The following FGF13 variants were observed in gnomAD, a reference collection of about 807,000 sequenced individuals.
FGF13 encodes fibroblast growth factor 13, also known as fibroblast growth factor homologous factor 2.
FGF13 carries 2 observed loss-of-function variants against 19.5 expected under a neutral mutation model. That is an observed-to-expected ratio of 0.10 (90% CI 0.04 to 0.32). The LOEUF (loss-of-function observed/expected upper bound fraction) is 0.32, where lower values mean the gene tolerates loss of function less well. FGF13 is among the 10% of genes least tolerant of loss of function. FGF13 has a pLI of 1.00. For synonymous variants in FGF13, 72 were observed against 76.9 expected, an observed-to-expected ratio of 0.94 and a Z score of 0.33; for missense variants, 113 against 192.7, an observed-to-expected ratio of 0.59 and a Z score of 2.45.
rs184839168 is a variant in FGF13 at position 138,786,516 on chromosome X, C to A, written c.217+70996G>T. On this transcript the variant is annotated intron_variant, in intron 3 of 6. Transcript: ENST00000436198. ...CTTTCCAAATTTCTCTAATATAAAGCCCCTGCTTCAAGCATGCTTATTTCT... is the reference window on the plus strand; with the variant it reads ...CTTTCCAAATTTCTCTAATATAAAGACCCTGCTTCAAGCATGCTTATTTCT... Among the ~76,000 whole-genome samples the A allele has an allele frequency of 1.8e-3, 201 of 111,969 alleles. 1 individual carries two copies. Among genetic ancestry groups the A allele is most frequent in the African/African-American group, 6.2e-3 (192 of 30,855 alleles).
At chrX:139,082,879 T>C (rs2083380415) in intron 1 of FGF13, among the ~76,000 whole-genome samples, 1 of 112,121 alleles carries the variant, frequency 8.9e-6, no homozygotes, top group Non-Finnish European at 1.9e-5. Context: ...ATTTGTTTAC[T>C]GTCTGTCTCC....
chrX:139,053,869 A>T (rs759111329), intron 1 of FGF13, among the ~76,000 whole-genome samples: 9 of 111,395 alleles, frequency 8.1e-5, no homozygotes, highest in Admixed American at 6.7e-4. Context: ...GCTATCTTCT[A>T]GAATTTTTAT....
At chrX:138,782,528 CAG>C (rs1456169038) in intron 3 of FGF13, among the ~76,000 whole-genome samples, 1 of 109,142 alleles carries the variant, frequency 9.2e-6, no homozygotes, top group East Asian at 2.9e-4. Flanking sequence ...AACAGACAAA[CAG>C]AGAGCCAAAT....
chrX:138,887,012 C>T (rs1034557244), intron 1 of FGF13, among the ~76,000 whole-genome samples: 4 of 111,489 alleles, frequency 3.6e-5, no homozygotes, highest in South Asian at 7.6e-4. Context: ...CTACTTTGTT[C>T]TAGTCTGGCA....
intron 1 of FGF13, among the ~76,000 whole-genome samples, chrX:139,149,417 C>A (rs1029061931): frequency 2.7e-5 from 3 of 112,367 alleles, no homozygotes; most frequent in African/African-American, 9.7e-5. Context: ...CTAATCTTCA[C>A]ATATGCTGAA....
At chrX:138,869,701 T>C (rs1408206370) in intron 1 of FGF13, among the ~76,000 whole-genome samples, 1 of 112,562 alleles carries the variant, frequency 8.9e-6, no homozygotes, top group Non-Finnish European at 1.9e-5. Flanking sequence ...CATTTTTAGC[T>C]AATGGAAAAC....
chrX:138,826,609 T>G (rs942143359), intron 3 of FGF13, among the ~76,000 whole-genome samples: 8 of 112,255 alleles, frequency 7.1e-5, no homozygotes, highest in African/African-American at 2.3e-4. Context: ...AATCAGATCC[T>G]AAGAATGCTG....
At chrX:139,185,618 G>T (rs1242689305) in intron 1 of FGF13, among the ~76,000 whole-genome samples, 1 of 111,481 alleles carries the variant, frequency 9.0e-6, no homozygotes, top group Non-Finnish European at 1.9e-5. Flanking sequence ...GCTGGTGTGG[G>T]GTAGAGTTAG....
At chrX:138,986,103 T>C (rs2091993668) in intron 1 of FGF13, among the ~76,000 whole-genome samples, 1 of 111,966 alleles carries the variant, frequency 8.9e-6, no homozygotes, top group Admixed American at 9.5e-5. Context: ...AACTGGGGCA[T>C]AGGGAAGTTA....
At chrX:138,884,364 A>G (rs1408573305) in intron 1 of FGF13, among the ~76,000 whole-genome samples, 1 of 112,140 alleles carries the variant, frequency 8.9e-6, no homozygotes, top group Non-Finnish European at 1.9e-5. Flanking sequence ...TTCAGAGCCC[A>G]TGCAAGGGAG....
chrX:139,107,237 G>A (rs1286890467), intron 1 of FGF13, among the ~76,000 whole-genome samples: 1 of 111,825 alleles, frequency 8.9e-6, no homozygotes, highest in Non-Finnish European at 1.9e-5. Context: ...GTAAGTTAAT[G>A]CCTAAAATTA....
chrX:139,020,589 T>C (rs553330566), intron 1 of FGF13, among the ~76,000 whole-genome samples: 2 of 111,539 alleles, frequency 1.8e-5, no homozygotes, highest in East Asian at 5.7e-4. Flanking sequence ...TGGCTTAGCA[T>C]TGACGAAGAG....
chrX:138,780,198 C>A (rs1396231327), intron 3 of FGF13, among the ~76,000 whole-genome samples: 3 of 109,875 alleles, frequency 2.7e-5, no homozygotes, highest in South Asian at 8.1e-4. Context: ...TGGTACCAGC[C>A]GCCGCAAAAT....
chrX:139,029,834 G>A (rs2092219991), intron 1 of FGF13, among the ~76,000 whole-genome samples: 1 of 111,827 alleles, frequency 8.9e-6, no homozygotes, highest in Middle Eastern at 4.6e-3. Context: ...CTGACTCTAT[G>A]ATACTGCACA....
intron 1 of FGF13, among the ~76,000 whole-genome samples, chrX:139,029,226 C>G (rs1221553834): frequency 9.0e-6 from 1 of 111,659 alleles, no homozygotes; most frequent in Non-Finnish European, 1.9e-5. Flanking sequence ...TTTCAGAAAC[C>G]TGGCTCTTCC....
chrX:139,154,099 C>T (rs183093896), intron 1 of FGF13, among the ~76,000 whole-genome samples: 9 of 111,678 alleles, frequency 8.1e-5, no homozygotes, highest in African/African-American at 2.9e-4. Flanking sequence ...TGAGAAAAGA[C>T]CAAACACAAA....
chrX:138,793,099 A>G lies in FGF13; in HGVS notation c.217+64413T>C, dbSNP rs191490823. ...GAAGACAGGTAGAGACTGAAGTGCT[A>G]CAGCCACAAGCCAAGGAACACCAAT... On this transcript the variant is annotated intron_variant, in intron 3 of 6. Coordinates refer to the FGF13 transcript ENST00000436198. Among the ~76,000 whole-genome samples, 312 of 111,561 alleles carry G rather than the reference A, an allele frequency of 2.8e-3. 12 individuals carry two copies. In the East Asian group the frequency reaches 0.077, roughly 28 times the overall value.
Position 138,638,720 on chromosome X carries a change from G to A in FGF13, c.403-3065C>T, listed in dbSNP as rs186301082. Among the ~76,000 whole-genome samples the A allele has an allele frequency of 5.2e-3, 580 of 112,098 alleles. 6 individuals carry two copies. Among genetic ancestry groups the A allele is most frequent in the African/African-American group, 0.018 (554 of 30,845 alleles). On this transcript the variant is annotated intron_variant, in intron 3 of 4. Transcript: ENST00000315930. ...ACTCAGAATTATCAACTAGTAAAAA[G>A]TCTGCAGGGATTTTCCTTAATACCA...
At chrX:138,984,546 A>G (rs867388486) in intron 1 of FGF13, among the ~76,000 whole-genome samples, 1 of 36,018 alleles carries the variant, frequency 2.8e-5, no homozygotes, top group African/African-American at 9.9e-5. Flanking sequence ...GAAGAAGAAG[A>G]AGAAGAAGAA....
Sources: allele counts gnomAD v4.1 joint callset (sites outside exome capture counted in the v4.1 genomes callset), GRCh38; gene constraint gnomAD v4.1.1; transcripts MANE v1.5; gene names NCBI Gene and HGNC (gene_info 2026-07-23, HGNC 2026-07-21).